The following HELZ variants were observed in gnomAD, a reference collection of about 807,000 sequenced individuals.
HELZ encodes the protein ATP-dependent RNA helicase with zinc finger domain.
Under a neutral mutation model 218.2 loss-of-function variants are expected in HELZ, and 23 were observed. The ratio of observed to expected loss-of-function variants is 0.11; its 90% CI spans 0.08 to 0.15. HELZ has a LOEUF of 0.15. Ranked by LOEUF, HELZ falls within the 10% of genes least tolerant of loss-of-function variation. The pLI, the probability that HELZ is intolerant of heterozygous loss-of-function variation, is 1.00. For missense variants in HELZ, 1,813 were observed against 2,353.7 expected, an observed-to-expected ratio of 0.77 and a Z score of 4.75; for synonymous variants, 814 against 829.4, an observed-to-expected ratio of 0.98 and a Z score of 0.32.
At chr17:67,116,753 T>G (rs2037439330) in intron 27 of HELZ, among the ~76,000 whole-genome samples, 1 of 152,182 alleles carries the variant, frequency 6.6e-6, no homozygotes, top group East Asian at 1.9e-4. Flanking sequence ...CCAATTATAT[T>G]GGGAGATTTC....
chr17:67,185,265 C>A (rs1324973123), intron 12 of HELZ, among the ~76,000 whole-genome samples: 2 of 152,124 alleles, frequency 1.3e-5, no homozygotes, highest in Admixed American at 1.3e-4. Context: ...AAATTGTTTG[C>A]CCATAAACAT....
At chr17:67,218,883 C>A in intron 3 of HELZ, 61 bp from the exon 4 acceptor site, 2 of 1,212,558 alleles carry the variant, frequency 1.6e-6, no homozygotes, top group South Asian at 2.7e-5. Flanking sequence ...TAAATTCTAG[C>A]CCCATTCCTA....
At chr17:67,215,766 C>T (rs1466102658) in intron 5 of HELZ, 133 bp downstream of exon 5, 2 of 689,670 alleles carry the variant, frequency 2.9e-6, no homozygotes, top group African/African-American at 1.8e-5. Flanking sequence ...TGTCATCATC[C>T]AAATCAGTCA....
Position 67,217,431 on chromosome 17 carries a change from G to C in HELZ, c.210+1164C>G, listed in dbSNP as rs906510643. Among the ~76,000 whole-genome samples, 4 of 152,094 alleles carry C rather than the reference G, an allele frequency of 2.6e-5. No homozygotes were observed. In the East Asian group the frequency reaches 7.7e-4, roughly 29 times the overall value. On this transcript the variant is annotated intron_variant, in intron 4 of 32. Transcript: ENST00000358691. ...GATTATTCTAATAGTCTCCAATCTA[G>C]TCTCCTTGCATCAACGCTTATCCCT...
chr17:67,158,776 T>G (rs528897019), intron 17 of HELZ, among the ~76,000 whole-genome samples: 14 of 152,292 alleles, frequency 9.2e-5, no homozygotes, highest in Non-Finnish European at 1.8e-4. Context: ...ACATAACTTC[T>G]TATTCTGCAT....
chr17:67,209,785 AATG>A (rs2040405436), intron 5 of HELZ, among the ~76,000 whole-genome samples: 1 of 152,210 alleles, frequency 6.6e-6, no homozygotes, highest in African/African-American at 2.4e-5. Flanking sequence ...GTAAAACTGC[AATG>A]ATAATACAAT....
chr17:67,151,040 G>A lies in HELZ; in HGVS notation c.2356+6C>T, dbSNP rs2038666766. 1 of 1,611,992 alleles carries A rather than the reference G, an allele frequency of 6.2e-7. No homozygotes were observed. Among genetic ancestry groups the A allele is most frequent in the Non-Finnish European group, 8.5e-7 (1 of 1,178,482 alleles). On this transcript the variant is annotated splice_donor_region_variant and intron_variant, in intron 18 of 32. Coordinates refer to ENST00000358691, the MANE Select transcript of HELZ (RefSeq NM_014877.4). ...ACTTGTGAGACTGTGTCTTGAGTCA[G>A]CATACCAGGTTCAAGGTCCAACTGA... is the stretch of plus-strand genomic sequence containing the variant.
chr17:67,078,264 T>A lies in HELZ; in HGVS notation c.5817A>T (p.Ser1939=). 1 of 1,610,578 alleles carries A rather than the reference T, an allele frequency of 6.2e-7. No homozygotes were observed. Among genetic ancestry groups the A allele is most frequent in the Non-Finnish European group, 8.5e-7 (1 of 1,177,230 alleles). ...GSSSGSNGFY[S]YFK The stretch of plus-strand genomic sequence containing the variant: ...AAAAAAAAAGTGATTATTTAAAATA[T>A]GAGTAAAAGCCATTGCTGCCAGATG... The change falls in exon 33 of 33, where the codon TCA becomes TCT. Residue 1939 remains serine (S), a synonymous_variant. Transcript: ENST00000358691.
chr17:67,078,234 G>C lies in HELZ; in HGVS notation c.*18C>G. 1 of 1,554,856 alleles carries C rather than the reference G, an allele frequency of 6.4e-7. No homozygotes were observed. Among genetic ancestry groups the C allele is most frequent in the Non-Finnish European group, 8.8e-7 (1 of 1,135,462 alleles). ...AACAGAAATTAAAACATTCTCCCTTGAGGGAAAAAAAAAGTGATTATTTAA... is the reference window on the plus strand; with the variant it reads ...AACAGAAATTAAAACATTCTCCCTTCAGGGAAAAAAAAAGTGATTATTTAA... On this transcript the variant is annotated 3_prime_UTR_variant, in exon 33 of 33. Transcript: ENST00000358691.
chr17:67,170,128 T>C (rs1167918609), intron 13 of HELZ, among the ~76,000 whole-genome samples: 1 of 152,148 alleles, frequency 6.6e-6, no homozygotes, highest in Non-Finnish European at 1.5e-5. Context: ...AAGTCTTATA[T>C]AGCTTTCCCA....
intron 31 of HELZ, among the ~76,000 whole-genome samples, chr17:67,095,963 A>T (rs2036731359): frequency 6.6e-6 from 1 of 152,210 alleles, no homozygotes; most frequent in Non-Finnish European, 1.5e-5. Context: ...GTATTTCTTA[A>T]ATAAGACTTG....
chr17:67,234,221 G>T (rs1567915810), intron 3 of HELZ, among the ~76,000 whole-genome samples: 1 of 149,704 alleles, frequency 6.7e-6, no homozygotes, highest in African/African-American at 2.5e-5. Context: ...TACTAGGGAG[G>T]CTGAAGCAGG....
At chr17:67,122,033 TTAAA>T (rs1273682368) in intron 26 of HELZ, among the ~76,000 whole-genome samples, 1 of 152,256 alleles carries the variant, frequency 6.6e-6, no homozygotes, top group Non-Finnish European at 1.5e-5. Flanking sequence ...AGATTACAAA[TTAAA>T]TATTTAGATT....
At chr17:67,177,350 T>C (rs2039489552) in intron 13 of HELZ, among the ~76,000 whole-genome samples, 1 of 152,146 alleles carries the variant, frequency 6.6e-6, no homozygotes, top group Admixed American at 6.6e-5. Context: ...ATTTTGAATA[T>C]AATAATACTA....
chr17:67,093,726 C>T (rs1240569096), intron 31 of HELZ, among the ~76,000 whole-genome samples: 1 of 152,194 alleles, frequency 6.6e-6, no homozygotes, highest in African/African-American at 2.4e-5. Context: ...CTTACCATTT[C>T]CACTGCTACC....
At chr17:67,163,545 C>T (rs370682414) in intron 15 of HELZ, among the ~76,000 whole-genome samples, 1 of 151,842 alleles carries the variant, frequency 6.6e-6, no homozygotes, top group Non-Finnish European at 1.5e-5. Flanking sequence ...ACTACAGGTG[C>T]CCACCACCAC....
intron 32 of HELZ, among the ~76,000 whole-genome samples, chr17:67,083,982 T>C (rs2036277172): frequency 6.6e-6 from 1 of 152,248 alleles, no homozygotes; most frequent in Non-Finnish European, 1.5e-5. Flanking sequence ...AACACAATCA[T>C]CTTTTTAAAA....
chr17:67,105,292 G>C (rs1206693630), intron 31 of HELZ, among the ~76,000 whole-genome samples: 2 of 152,138 alleles, frequency 1.3e-5, no homozygotes, highest in Non-Finnish European at 2.9e-5. Flanking sequence ...TCCTCAAAAA[G>C]TTAAACATAG....
intron 7 of HELZ, among the ~76,000 whole-genome samples, chr17:67,199,220 T>C (rs1177275551): frequency 6.7e-6 from 1 of 149,208 alleles, no homozygotes; most frequent in Non-Finnish European, 1.5e-5. Flanking sequence ...CTTTTTTTTT[T>C]TTTTTTTTTT....
Sources: gnomAD v4.1 joint callset for allele counts (sites outside exome capture counted in the v4.1 genomes callset) on GRCh38, gnomAD v4.1.1 for gene constraint, MANE v1.5 for transcripts, NCBI Gene and HGNC (gene_info 2026-07-23, HGNC 2026-07-21) for gene names.